Variants in DNAH12 observed in about 807,000 individuals in gnomAD.
The protein encoded by DNAH12 is axonemal beta dynein heavy chain 12.
A neutral mutation model predicts 371.5 loss-of-function variants in DNAH12; 285 were observed. That is an observed-to-expected ratio of 0.77 (90% CI 0.70 to 0.85). The LOEUF is 0.85. Ranked by LOEUF, DNAH12 falls within the 40% of genes least tolerant of loss-of-function variation. DNAH12 has a pLI of 0.00. For missense variants in DNAH12, 3,611 were observed against 3,689.4 expected, an observed-to-expected ratio of 0.98 and a Z score of 0.55; for synonymous variants, 1,200 against 1,213.0, an observed-to-expected ratio of 0.99 and a Z score of 0.22.
chr3:57,496,511 G>C (rs2067329141), intron 11 of DNAH12, among the ~76,000 whole-genome samples: 1 of 152,014 alleles, frequency 6.6e-6, no homozygotes, highest in Non-Finnish European at 1.5e-5. Flanking sequence ...GAATAGAAGG[G>C]AATTTCATCC....
chr3:57,553,792 T>C, the DNAH12 span, among the ~76,000 whole-genome samples: 1 of 151,982 alleles, frequency 6.6e-6, no homozygotes, highest in Non-Finnish European at 1.5e-5. Context: ...CCAATTGATG[T>C]AGGCAAAATG....
intron 28 of DNAH12, 21 bp downstream of exon 28, chr3:57,445,153 A>G: frequency 1.3e-6 from 2 of 1,501,694 alleles, no homozygotes; most frequent in Non-Finnish European, 1.8e-6. Context: ...AACTTTCCCA[A>G]TGTGTATATT....
chr3:57,408,581 A>AG (rs1478668151), intron 39 of DNAH12, 46 bp from the exon 40 acceptor site: 2 of 1,445,008 alleles, frequency 1.4e-6, no homozygotes, highest in African/African-American at 2.9e-5. Context: ...TTATAAAGAC[A>AG]TTAAGATGGG....
At chr3:57,498,198 C>G in intron 11 of DNAH12, 1 of 297,930 alleles carries the variant, frequency 3.4e-6, no homozygotes, top group East Asian at 5.9e-5. Context: ...AAAAATAAAA[C>G]AATAGTAAAA....
chr3:57,552,668 G>C, the DNAH12 span, among the ~76,000 whole-genome samples: 1 of 152,108 alleles, frequency 6.6e-6, no homozygotes, highest in African/African-American at 2.4e-5. Flanking sequence ...TCAGCCCTTT[G>C]GGAGGCTGAG....
Position 57,334,459 on chromosome 3 carries a change from T to A in DNAH12, c.9978+6A>T. ...GGGTTCCAAATAGAACACATTGGTC[T>A]TTTACCTTATCAGGTCTTAAACACC... is the stretch of plus-strand genomic sequence containing the variant. On this transcript the variant is annotated splice_donor_region_variant and intron_variant, in intron 62 of 73. Coordinates refer to ENST00000495027, the MANE Select transcript of DNAH12 (RefSeq NM_001366028.2). 1 of 1,544,776 alleles carries A rather than the reference T, an allele frequency of 6.5e-7. No homozygotes were observed. Among genetic ancestry groups the A allele is most frequent in the Non-Finnish European group, 8.7e-7 (1 of 1,145,562 alleles).
rs755246013 is a variant in DNAH12 at position 57,523,853 on chromosome 3, TTC to T, written c.200_201del (p.Arg67AsnfsTer4). On this transcript the variant is annotated frameshift_variant, in exon 3 of 74. Coordinates refer to ENST00000495027, the MANE Select transcript of DNAH12 (RefSeq NM_001366028.2). LOFTEE classifies it high-confidence loss of function. ...VIDGAKRNLD[R>X]TLGKRTPLLP... is the part of the protein sequence containing the mutation. ...AATAGAGGTGTTCTTTTACCCAGTG[TTC>T]TGTCTAAATTTCTTTTGGCTCCATC... is the stretch of plus-strand genomic sequence containing the variant. 1.6e-4 allele frequency: 260 copies of T among 1,605,898 alleles called. 1 individual carries two copies. The highest frequency in any genetic ancestry group is 4.2e-6 in the Non-Finnish European group (5 of 1,176,928).
At chr3:57,462,653 C>A in intron 18 of DNAH12, 37 bp downstream of exon 18, 2 of 1,528,450 alleles carry the variant, frequency 1.3e-6, no homozygotes, top group South Asian at 1.2e-5. Context: ...TTAACGAAGT[C>A]ATCACATAAA....
At chr3:57,474,147 A>T (rs904864809) in intron 13 of DNAH12, among the ~76,000 whole-genome samples, 17 of 152,180 alleles carry the variant, frequency 1.1e-4, no homozygotes, top group African/African-American at 3.4e-4. Flanking sequence ...AAAGAAAGTA[A>T]AGTTTTGCAA....
intron 38 of DNAH12, 59 bp downstream of exon 38, chr3:57,415,367 A>T: frequency 2.0e-6 from 3 of 1,522,578 alleles, no homozygotes; most frequent in African/African-American, 2.8e-5. Flanking sequence ...AATTTTAAAC[A>T]CTGAGCAAAT....
intron 64 of DNAH12, 44 bp from the exon 65 acceptor site, chr3:57,322,527 G>A (rs370973205): frequency 6.5e-7 from 1 of 1,530,644 alleles, no homozygotes. Flanking sequence ...ATAGCAAGTG[G>A]AGGCTCTAAA....
intron 55 of DNAH12, among the ~76,000 whole-genome samples, chr3:57,369,830 A>T (rs2063132273): frequency 6.6e-6 from 1 of 152,210 alleles, no homozygotes; most frequent in South Asian, 2.1e-4. Context: ...ATAAATTAAC[A>T]TTCTAATGTT....
At chr3:57,538,195 A>C (rs563554540) in intron 2 of DNAH12, among the ~76,000 whole-genome samples, 128 of 152,342 alleles carry the variant, frequency 8.4e-4, no homozygotes, top group Non-Finnish European at 1.6e-3. Flanking sequence ...GCGCTGACTG[A>C]AGTAACATTT....
chr3:57,321,879 G>A (rs1321913906), intron 65 of DNAH12, among the ~76,000 whole-genome samples: 16 of 152,056 alleles, frequency 1.1e-4, no homozygotes, highest in Admixed American at 1.0e-3. Context: ...TGTTTAAGGT[G>A]GATATACGAA....
Position 57,358,636 on chromosome 3 carries a change from A to C in DNAH12, c.9361-1288T>G, listed in dbSNP as rs925541142. On this transcript the variant is annotated intron_variant, in intron 58 of 73. Coordinates refer to ENST00000495027, the MANE Select transcript of DNAH12 (RefSeq NM_001366028.2). ...TCCTAACTATAAATAAGTAAAACAA[A>C]GTTATCGACAATGGGAATTAATGAC... 3.6e-3 allele frequency among the ~76,000 whole-genome samples: 543 copies of C among 152,322 alleles called. 4 individuals carry two copies. The highest frequency in any genetic ancestry group is 0.012 in the African/African-American group (518 of 41,550).
chr3:57,491,875 G>A (rs901426309), intron 11 of DNAH12, among the ~76,000 whole-genome samples: 4 of 152,124 alleles, frequency 2.6e-5, no homozygotes, highest in Non-Finnish European at 4.4e-5. Flanking sequence ...GTGTTGTGGC[G>A]TGTGCCTGTA....
chr3:57,547,341 A>G (rs975670563), upstream of DNAH12, among the ~76,000 whole-genome samples: 3 of 151,652 alleles, frequency 2.0e-5, no homozygotes, highest in Non-Finnish European at 4.4e-5. Context: ...ATTTTATTAT[A>G]GAGACAAAGT....
intron 2 of DNAH12, among the ~76,000 whole-genome samples, chr3:57,525,007 C>T (rs1463866485): frequency 1.3e-5 from 2 of 151,678 alleles, no homozygotes; most frequent in Non-Finnish European, 2.9e-5. Context: ...GCTAGATATA[C>T]TAGAAGAGAT....
rs1246573419 is a variant in DNAH12 at position 57,468,971 on chromosome 3, T to C, written c.2114A>G (p.Asp705Gly). The C allele has an allele frequency of 1.3e-6, 2 of 1,509,404 alleles. No homozygotes were observed. Among genetic ancestry groups the C allele is most frequent in the Non-Finnish European group, 1.8e-6 (2 of 1,134,960 alleles). 93.5% of individuals were successfully genotyped at this position (1,509,404 alleles called of 1,614,324 possible). A position where few individuals can be genotyped will look rare whatever the true frequency, so the allele number is the denominator to read the frequency against. Residue 705 changes from aspartate (D) to glycine (G), a missense_variant, in exon 17 of 74, where the codon GAT becomes GGT. By Grantham distance (94) the Asp-to-Gly change is moderately conservative. Transcript: ENST00000495027. ...KWQRSEKRWM[D>G]GGFLDLNGES... is the part of the protein sequence containing the mutation. The stretch of plus-strand genomic sequence containing the variant: ...CCCATTGAGGTCCAAAAACCCTCCA[T>C]CCATCCACCTGAATGGAAAGAAAAA...
Sources: gnomAD v4.1 joint callset for allele counts (sites outside exome capture counted in the v4.1 genomes callset) on GRCh38, gnomAD v4.1.1 for gene constraint, MANE v1.5 for transcripts, NCBI Gene and HGNC (gene_info 2026-07-23, HGNC 2026-07-21) for gene names.